LRMDA: variants seen among roughly 807,000 people sequenced by gnomAD.
LRMDA encodes leucine-rich melanocyte differentiation-associated protein.
Under a neutral mutation model 29.8 loss-of-function variants are expected in LRMDA, and 18 were observed. The ratio of observed to expected loss-of-function variants is 0.60; its 90% CI spans 0.42 to 0.90. The LOEUF is 0.90. Among genes scored for constraint, LRMDA ranks in the 40% least tolerant of loss-of-function variants. The pLI, the probability that LRMDA is intolerant of heterozygous loss-of-function variation, is 0.00. For synonymous variants in LRMDA, 125 were observed against 109.4 expected, an observed-to-expected ratio of 1.14 and a Z score of -0.89; for missense variants, 273 against 273.9, an observed-to-expected ratio of 1.00 and a Z score of 0.02.
At chr10:76,427,283 C>A (rs1842138624) in intron 6 of LRMDA, among the ~76,000 whole-genome samples, 1 of 151,972 alleles carries the variant, frequency 6.6e-6, no homozygotes, top group South Asian at 2.1e-4. Flanking sequence ...TTTCATTGAG[C>A]AGTGGTTTGT....
chr10:76,380,943 C>T (rs924434247), intron 6 of LRMDA, among the ~76,000 whole-genome samples: 8 of 149,654 alleles, frequency 5.3e-5, no homozygotes, highest in Non-Finnish European at 1.2e-4. Flanking sequence ...CAAATAAAAC[C>T]TTATTTTTAA....
At chr10:76,483,253 A>C (rs1440531586) in intron 6 of LRMDA, among the ~76,000 whole-genome samples, 2 of 151,894 alleles carry the variant, frequency 1.3e-5, no homozygotes, top group Non-Finnish European at 2.9e-5. Flanking sequence ...GAGTGTTTTT[A>C]ATTATCTATT....
At chr10:75,845,106 AT>A (rs559477139) in intron 2 of LRMDA, among the ~76,000 whole-genome samples, 108 of 150,798 alleles carry the variant, frequency 7.2e-4, no homozygotes, top group Middle Eastern at 3.5e-3. Context: ...TGTAAATATG[AT>A]TTTTTTTTGT....
intron 2 of LRMDA, among the ~76,000 whole-genome samples, chr10:75,537,711 G>A (rs1312930636): frequency 6.6e-6 from 1 of 152,210 alleles, no homozygotes; most frequent in Non-Finnish European, 1.5e-5. Flanking sequence ...TCATGACTGG[G>A]TGGAGTGAGT....
chr10:75,723,379 G>A (rs1465064027), intron 2 of LRMDA, among the ~76,000 whole-genome samples: 1 of 152,252 alleles, frequency 6.6e-6, no homozygotes. Context: ...TAACAGAGCA[G>A]AATGTGGGGT....
chr10:75,925,278 G>A (rs1220171088), intron 2 of LRMDA, among the ~76,000 whole-genome samples: 1 of 152,068 alleles, frequency 6.6e-6, no homozygotes, highest in Non-Finnish European at 1.5e-5. Context: ...ACTCCTGGCG[G>A]TGAGGTTAAT....
chr10:75,446,108 T>C (rs1271167988), intron 2 of LRMDA, among the ~76,000 whole-genome samples: 2 of 152,242 alleles, frequency 1.3e-5, no homozygotes, highest in Non-Finnish European at 2.9e-5. Flanking sequence ...AGACACACCA[T>C]ACTTTCTGTG....
chr10:75,497,461 A>AC (rs1294541696), intron 2 of LRMDA, among the ~76,000 whole-genome samples: 1 of 145,674 alleles, frequency 6.9e-6, no homozygotes, highest in Non-Finnish European at 1.5e-5. Context: ...AGAGTTCGAT[A>AC]TTTTTTTTTT....
chr10:76,291,218 C>G (rs1840336366), intron 5 of LRMDA, among the ~76,000 whole-genome samples: 1 of 152,332 alleles, frequency 6.6e-6, no homozygotes, highest in Non-Finnish European at 1.5e-5. Context: ...CACCCTCCCT[C>G]CTCCCTGTCT....
chr10:76,271,757 CTTA>C (rs1353646962), intron 5 of LRMDA, among the ~76,000 whole-genome samples: 1 of 152,184 alleles, frequency 6.6e-6, no homozygotes, highest in Non-Finnish European at 1.5e-5. Context: ...TACCCCAAGA[CTTA>C]TTATCTTTCT....
intron 2 of LRMDA, among the ~76,000 whole-genome samples, chr10:75,729,876 C>T (rs1842674970): frequency 1.3e-5 from 2 of 152,336 alleles, no homozygotes; most frequent in South Asian, 2.1e-4. Flanking sequence ...TAGCTCACTA[C>T]AGCCTGGAAC....
chr10:76,085,831 C>T (rs1589320230), intron 5 of LRMDA, among the ~76,000 whole-genome samples: 1 of 152,172 alleles, frequency 6.6e-6, no homozygotes, highest in African/African-American at 2.4e-5. Context: ...CCCGCTCTCC[C>T]TCACACTCAC....
At chr10:76,131,673 TTA>T (rs1849995323) in intron 5 of LRMDA, among the ~76,000 whole-genome samples, 1 of 150,228 alleles carries the variant, frequency 6.7e-6, no homozygotes, top group Admixed American at 6.7e-5. Flanking sequence ...GTTTTTTTTT[TTA>T]AAGAAAAACC....
At chr10:75,889,914 G>A (rs765531573) in intron 2 of LRMDA, among the ~76,000 whole-genome samples, 33 of 152,214 alleles carry the variant, frequency 2.2e-4, no homozygotes, top group Non-Finnish European at 3.5e-4. Context: ...GATCAAAGAA[G>A]AATAAGACTC....
At chr10:76,473,681 A>G (rs1842640531) in intron 6 of LRMDA, among the ~76,000 whole-genome samples, 1 of 151,702 alleles carries the variant, frequency 6.6e-6, no homozygotes, top group Non-Finnish European at 1.5e-5. Context: ...ATGTTGCAGA[A>G]TACAAGACCA....
intron 5 of LRMDA, among the ~76,000 whole-genome samples, chr10:76,168,819 A>G (rs1010190554): frequency 1.3e-5 from 2 of 152,186 alleles, no homozygotes; most frequent in Non-Finnish European, 1.5e-5. Flanking sequence ...TTATGTTCTT[A>G]AAATTACAAT....
At chr10:76,423,454 A>C (rs1294463550) in intron 6 of LRMDA, among the ~76,000 whole-genome samples, 1 of 152,132 alleles carries the variant, frequency 6.6e-6, no homozygotes, top group Non-Finnish European at 1.5e-5. Context: ...CCTAGACATA[A>C]ATTCATTTAA....
At chr10:75,860,634 TC>T (rs1844912427) in intron 2 of LRMDA, among the ~76,000 whole-genome samples, 1 of 152,170 alleles carries the variant, frequency 6.6e-6, no homozygotes, top group Non-Finnish European at 1.5e-5. Flanking sequence ...TTATGATGTT[TC>T]TAACTCATGC....
At chr10:75,541,921 T>C (rs1332040877) in intron 2 of LRMDA, among the ~76,000 whole-genome samples, 1 of 152,206 alleles carries the variant, frequency 6.6e-6, no homozygotes, top group African/African-American at 2.4e-5. Context: ...TGTTGGCTAA[T>C]GTTATTAATC....
Sources: allele counts gnomAD v4.1 joint callset (sites outside exome capture counted in the v4.1 genomes callset), GRCh38; gene constraint gnomAD v4.1.1; transcripts MANE v1.5; gene names NCBI Gene and HGNC (gene_info 2026-07-23, HGNC 2026-07-21).